Variants in PALS2 observed in about 807,000 individuals in gnomAD.
PALS2 encodes protein associated with LIN7 2, MAGUK p55 family member.
PALS2 carries 27 observed loss-of-function variants against 61.6 expected under a neutral mutation model. That is an observed-to-expected ratio of 0.44 (90% CI 0.32 to 0.60). The LOEUF (loss-of-function observed/expected upper bound fraction) is 0.60, where lower values mean the gene tolerates loss of function less well. Among genes scored for constraint, PALS2 ranks in the 20% least tolerant of loss-of-function variants. The pLI is 0.05. For missense variants in PALS2, 554 were observed against 639.4 expected (o/e 0.87, Z 1.44); for synonymous variants, 236 against 218.6 (o/e 1.08, Z -0.70).
chr7:24,644,909 T>C (rs1169578875), intron 3 of PALS2, among the ~76,000 whole-genome samples: 1 of 152,136 alleles, frequency 6.6e-6, no homozygotes, highest in African/African-American at 2.4e-5. Context: ...GATATTGAGC[T>C]TTTTTTCATA....
intron 5 of PALS2, among the ~76,000 whole-genome samples, chr7:24,652,211 A>C (rs11976121): frequency 7.9e-5 from 12 of 152,262 alleles, no homozygotes; most frequent in African/African-American, 2.6e-4. Flanking sequence ...TGTAGTAGGA[A>C]GATCTTATTT....
At chr7:24,587,531 ATTT>A (rs11310808) in intron 1 of PALS2, among the ~76,000 whole-genome samples, 10 of 140,950 alleles carry the variant, frequency 7.1e-5, no homozygotes, top group African/African-American at 1.3e-4. Flanking sequence ...TGCCCAGCTA[ATTT>A]TTTTTTTTTT....
intron 5 of PALS2, among the ~76,000 whole-genome samples, chr7:24,659,712 A>C (rs1786615933): frequency 6.6e-6 from 1 of 152,198 alleles, no homozygotes; most frequent in Admixed American, 6.5e-5. Context: ...TTGACCGTAT[A>C]CAACTTCTAT....
At chr7:24,675,195 A>G (rs1314584545) in intron 9 of PALS2, among the ~76,000 whole-genome samples, 1 of 152,168 alleles carries the variant, frequency 6.6e-6, no homozygotes, top group Non-Finnish European at 1.5e-5. Context: ...TAGAGGTAAT[A>G]CATGTGCATA....
chr7:24,663,221 C>T (rs530740122), intron 5 of PALS2, among the ~76,000 whole-genome samples: 1 of 152,224 alleles, frequency 6.6e-6, no homozygotes, highest in Admixed American at 6.5e-5. Context: ...AAATCAACTA[C>T]CTATATTATA....
At chr7:24,667,237 A>G (rs1787068061) in intron 8 of PALS2, among the ~76,000 whole-genome samples, 1 of 152,164 alleles carries the variant, frequency 6.6e-6, no homozygotes, top group Non-Finnish European at 1.5e-5. Context: ...TTTTTGCAAA[A>G]TAGAAAATTT....
chr7:24,628,390 A>G (rs749782000), intron 2 of PALS2, among the ~76,000 whole-genome samples: 2 of 152,212 alleles, frequency 1.3e-5, no homozygotes, highest in African/African-American at 2.4e-5. Flanking sequence ...ATTTATGACA[A>G]ACCAACAGCC....
At chr7:24,640,692 A>T (rs1347754046) in intron 2 of PALS2, among the ~76,000 whole-genome samples, 1 of 152,014 alleles carries the variant, frequency 6.6e-6, no homozygotes, top group Non-Finnish European at 1.5e-5. Context: ...ACTCGGCTTT[A>T]CTCCTACTAT....
At chr7:24,679,624 T>C (rs974190298) in intron 10 of PALS2, among the ~76,000 whole-genome samples, 2 of 152,176 alleles carry the variant, frequency 1.3e-5, no homozygotes, top group East Asian at 3.8e-4. Flanking sequence ...TAAGTGCTTG[T>C]GTTAAGAAAT....
rs1444921447 is a variant in PALS2, at chr7:24,573,590, GC to G, written c.-4del. 8.0e-6 allele frequency: 3 copies of G among 375,008 alleles called. No individual in the cohort carries two copies. The highest frequency in any genetic ancestry group is 9.5e-6 in the Non-Finnish European group (2 of 211,588). The allele number at this position is 375,008 out of a possible 1,614,324, so 23.2% of individuals were successfully genotyped here. ...CGGCGCGGAGGCGGCTGAGGTGCGAGCCGGTGAGTTAACTGGACCCCCACGC... is the reference window on the plus strand; with the variant it reads ...CGGCGCGGAGGCGGCTGAGGTGCGAGCGGTGAGTTAACTGGACCCCCACGC... On this transcript the variant is annotated splice_region_variant and 5_prime_UTR_variant, in exon 1 of 12. Coordinates refer to ENST00000222644, the MANE Select transcript of PALS2 (RefSeq NM_001303037.2). This position sits in a 1 kb window ranked among gnomAD's most constrained non-coding sequence, Gnocchi z 5.3.
intron 9 of PALS2, among the ~76,000 whole-genome samples, chr7:24,671,749 T>C (rs1427910243): frequency 1.3e-5 from 2 of 152,154 alleles, no homozygotes; most frequent in African/African-American, 2.4e-5. Flanking sequence ...CTTTATTCTT[T>C]TGCTTGCACT....
intron 10 of PALS2, among the ~76,000 whole-genome samples, chr7:24,680,170 A>T (rs960956784): frequency 2.0e-5 from 3 of 152,200 alleles, no homozygotes; most frequent in Non-Finnish European, 2.9e-5. Context: ...TCATTGTTTT[A>T]TACTTTGTTC....
intron 1 of PALS2, among the ~76,000 whole-genome samples, chr7:24,579,854 ATTGTATAGCATAT>A (rs1176730462): frequency 3.3e-5 from 5 of 152,326 alleles, no homozygotes; most frequent in African/African-American, 1.2e-4. Flanking sequence ...ATCTTGGTTT[ATTGTATAGCATAT>A]TAATGGAACT....
intron 2 of PALS2, among the ~76,000 whole-genome samples, chr7:24,634,071 CAT>C (rs1170440672): frequency 2.6e-5 from 4 of 151,594 alleles, no homozygotes; most frequent in South Asian, 2.1e-4. Flanking sequence ...TAAATTGAGT[CAT>C]ATTTATTTTT....
chr7:24,649,758 A>G lies in PALS2; in HGVS notation c.417A>G (p.Glu139=), dbSNP rs764125785. 3 of 1,606,568 alleles carry G rather than the reference A, an allele frequency of 1.9e-6. No individual in the cohort carries two copies. The highest frequency in any genetic ancestry group is 2.6e-6 in the Non-Finnish European group (3 of 1,176,390). The change falls in exon 4 of 12, where the codon GAA becomes GAG. Residue 139 remains glutamate (E), a synonymous_variant. Coordinates refer to ENST00000222644, the MANE Select transcript of PALS2 (RefSeq NM_001303037.2). The part of the protein sequence containing the change: ...RILGIHKRAG[E]PLGVTFRVEN... ...TTGGTATTCACAAAAGAGCTGGGGAACCACTGGTGAGTACAGATAAATCAG... is the reference window on the plus strand; with the variant it reads ...TTGGTATTCACAAAAGAGCTGGGGAGCCACTGGTGAGTACAGATAAATCAG...
At chr7:24,611,841 A>G (rs1283741048) in intron 1 of PALS2, among the ~76,000 whole-genome samples, 1 of 151,896 alleles carries the variant, frequency 6.6e-6, no homozygotes, top group Non-Finnish European at 1.5e-5. Context: ...AGTGGTGCAA[A>G]TTGAATCTAG....
In PALS2 at chr7:24,630,418, G is replaced by A. The variant is rs549986871; in HGVS notation, c.117+6634G>A. On this transcript the variant is annotated intron_variant, in intron 2 of 11. Coordinates refer to ENST00000222644, the MANE Select transcript of PALS2 (RefSeq NM_001303037.2). ...TTGATGGGTGCAGCAAACCACCATG[G>A]CACATTTGTACTTATGTAACAAACA... Among the ~76,000 whole-genome samples, 209 of 152,036 alleles carry A rather than the reference G, an allele frequency of 1.4e-3. 1 individual carries two copies. Among genetic ancestry groups the A allele is most frequent in the Non-Finnish European group, 2.0e-3 (134 of 68,028 alleles).
intron 2 of PALS2, among the ~76,000 whole-genome samples, chr7:24,640,785 G>GACGA (rs1562633953): frequency 6.6e-6 from 1 of 151,948 alleles, no homozygotes; most frequent in Non-Finnish European, 1.5e-5. Flanking sequence ...GAGGCGGGTG[G>GACGA]ATCACGAGGT....
intron 1 of PALS2, among the ~76,000 whole-genome samples, chr7:24,597,476 A>G (rs1259421086): frequency 2.0e-5 from 3 of 152,196 alleles, no homozygotes; most frequent in African/African-American, 7.2e-5. Context: ...TGGTGGGGAA[A>G]AGGAGAGAGA....
Sources: gnomAD v4.1 joint callset for allele counts (sites outside exome capture counted in the v4.1 genomes callset) on GRCh38, gnomAD v4.1.1 for gene constraint, Gnocchi (gnomAD v3.1) non-coding constraint, MANE v1.5 for transcripts, NCBI Gene and HGNC (gene_info 2026-07-23, HGNC 2026-07-21) for gene names.